MMP26: variants seen among roughly 807,000 people sequenced by gnomAD.
MMP26 encodes matrix metalloproteinase-26.
A neutral mutation model predicts 31.0 loss-of-function variants in MMP26; 33 were observed. The observed-to-expected ratio is 1.06, with a 90% CI of 0.81 to 1.42. The LOEUF (loss-of-function observed/expected upper bound fraction) is 1.42. MMP26 is among the 40% of genes most tolerant of loss of function. The pLI, the probability that MMP26 is intolerant of heterozygous loss-of-function variation, is 0.00. For synonymous variants in MMP26, 122 were observed against 114.9 expected, an observed-to-expected ratio of 1.06 and a Z score of -0.40; for missense variants, 347 against 316.1, an observed-to-expected ratio of 1.10 and a Z score of -0.74.
chr11:4,864,734 A>C (rs1019573636), intron 2 of MMP26, among the ~76,000 whole-genome samples: 15 of 152,090 alleles, frequency 9.9e-5, no homozygotes, highest in Admixed American at 2.0e-4. Context: ...CCTGAGTGTT[A>C]AACTGGTGAC....
chr11:4,837,910 A>G (rs1849740308), intron 2 of MMP26, among the ~76,000 whole-genome samples: 1 of 152,034 alleles, frequency 6.6e-6, no homozygotes, highest in Non-Finnish European at 1.5e-5. Context: ...AATTTTACAT[A>G]AAGTAAAATT....
chr11:4,874,545 A>G (rs1411309250), intron 2 of MMP26, among the ~76,000 whole-genome samples: 1 of 146,330 alleles, frequency 6.8e-6, no homozygotes, highest in Non-Finnish European at 1.5e-5. Context: ...CTTTGCTTGT[A>G]TATGTGTGTG....
At chr11:4,827,733 GA>G (rs995221747) in intron 2 of MMP26, among the ~76,000 whole-genome samples, 11 of 150,776 alleles carry the variant, frequency 7.3e-5, no homozygotes, top group African/African-American at 2.4e-4. Flanking sequence ...TCAAATCAGA[GA>G]AAAAAATAGA....
chr11:4,721,420 T>C (rs1485464693), intron 1 of MMP26, among the ~76,000 whole-genome samples: 1 of 152,224 alleles, frequency 6.6e-6, no homozygotes, highest in East Asian at 1.9e-4. Flanking sequence ...ACCAAATATC[T>C]ACTTCTCCTA....
At chr11:4,726,048 C>T (rs1482586505) in intron 1 of MMP26, among the ~76,000 whole-genome samples, 1 of 152,148 alleles carries the variant, frequency 6.6e-6, no homozygotes. Context: ...TTCACCAGAC[C>T]AAAAGAACCT....
chr11:4,989,174 G>A (rs945168618), intron 3 of MMP26, among the ~76,000 whole-genome samples: 11 of 152,174 alleles, frequency 7.2e-5, no homozygotes, highest in Non-Finnish European at 1.5e-4. Context: ...CAAGGAATAG[G>A]TAAACAACGG....
At chr11:4,980,052 C>T (rs1475010248) in intron 2 of MMP26, among the ~76,000 whole-genome samples, 13 of 152,012 alleles carry the variant, frequency 8.6e-5, no homozygotes, top group Admixed American at 5.3e-4. Context: ...AAGTATAATA[C>T]AGGACTGATA....
intron 1 of MMP26, chr11:4,710,125 C>T (rs1036159570): frequency 6.6e-5 from 30 of 456,682 alleles, no homozygotes; most frequent in Admixed American, 3.5e-4. Context: ...CACCCTGATG[C>T]GATGAAGCTC....
chr11:4,724,048 C>T, intron 1 of MMP26: 1 of 663,412 alleles, frequency 1.5e-6, no homozygotes, highest in Middle Eastern at 3.3e-4. Context: ...GCTGCTGGTA[C>T]CACTGGGGAA....
intron 2 of MMP26, among the ~76,000 whole-genome samples, chr11:4,823,824 C>A (rs1175624087): frequency 1.3e-5 from 2 of 152,074 alleles, no homozygotes; most frequent in East Asian, 3.9e-4. Flanking sequence ...TGAAGAATAA[C>A]CACAAGTAAA....
At chr11:4,756,242 A>G (rs1589891615) in intron 1 of MMP26, among the ~76,000 whole-genome samples, 2 of 152,260 alleles carry the variant, frequency 1.3e-5, no homozygotes, top group East Asian at 1.9e-4. Context: ...AAATTCTCTC[A>G]TAATGCATAG....
chr11:4,962,508 C>A (rs966388355), intron 2 of MMP26, among the ~76,000 whole-genome samples: 20 of 152,160 alleles, frequency 1.3e-4, no homozygotes, highest in Non-Finnish European at 2.5e-4. Flanking sequence ...GTCACTGTTG[C>A]TTTCTCACAG....
rs200567148 is a variant in MMP26 at position 4,710,473 on chromosome 11, G to C, written c.-217+5428G>C. 789 of 444,594 alleles carry C rather than the reference G, an allele frequency of 1.8e-3. 10 individuals carry two copies. Among genetic ancestry groups the C allele is most frequent in the South Asian group, 9.4e-3 (598 of 63,588 alleles). The allele number at this position is 444,594 out of a possible 1,614,324, so 27.5% of individuals were successfully genotyped here. A position where few individuals can be genotyped will look rare whatever the true frequency, so the allele number is the denominator to read the frequency against. Reference sequence around the variant, plus strand: ...TACAGTGTAAAGACCAAGTAAATTCGCAAGGCTGTGCTCAAAGCATTTCTT... The same window carrying C: ...TACAGTGTAAAGACCAAGTAAATTCCCAAGGCTGTGCTCAAAGCATTTCTT... On this transcript the variant is annotated intron_variant, in intron 1 of 7. Coordinates refer to ENST00000380390, the MANE Select transcript of MMP26 (RefSeq NM_021801.5).
In MMP26 at chr11:4,915,524, T is replaced by C. The variant is rs763403659; in HGVS notation, c.-144-72544T>C. ...TTTAATGATAAAAAGAATTGTGCAG[T>C]TGCCCGGGATGGAAACCAGATACAT... On this transcript the variant is annotated intron_variant, in intron 2 of 7. Coordinates refer to ENST00000380390, the MANE Select transcript of MMP26 (RefSeq NM_021801.5). 5.6e-6 allele frequency: 9 copies of C among 1,613,960 alleles called. No homozygotes were observed. The African/African-American group carries it at 1.1e-4, about 19-fold the overall frequency.
At chr11:4,764,741 C>T (rs868285996) in intron 1 of MMP26, among the ~76,000 whole-genome samples, 7 of 152,074 alleles carry the variant, frequency 4.6e-5, no homozygotes, top group Admixed American at 1.3e-4. Flanking sequence ...GGCGCGGTGG[C>T]GGGCGCCTGT....
chr11:4,848,760 C>T (rs753309591), intron 2 of MMP26: 3 of 1,613,706 alleles, frequency 1.9e-6, no homozygotes, highest in Non-Finnish European at 2.5e-6. Context: ...GCTGATTTTG[C>T]TAATTACACC....
At chr11:4,959,295 A>T (rs1207245344) in intron 2 of MMP26, among the ~76,000 whole-genome samples, 2 of 151,032 alleles carry the variant, frequency 1.3e-5, no homozygotes, top group South Asian at 2.1e-4. Flanking sequence ...TTTCTATTAC[A>T]TTGCAATTTG....
intron 2 of MMP26, among the ~76,000 whole-genome samples, chr11:4,802,411 G>A (rs1229944368): frequency 6.6e-6 from 1 of 152,082 alleles, no homozygotes; most frequent in Non-Finnish European, 1.5e-5. Context: ...TTTGCTATCT[G>A]TATAACAAAT....
chr11:4,832,256 C>T lies in MMP26; in HGVS notation c.-145+64915C>T, dbSNP rs114045541. On this transcript the variant is annotated intron_variant, in intron 2 of 7. Transcript: ENST00000380390. ...CTGCCTTATGTACCTCATGGCCATC[C>T]TGGGCAACTGCACCATCCTATTTGT... 544 of 182,712 alleles carry T rather than the reference C, an allele frequency of 3.0e-3. 4 individuals are homozygous for T. The highest frequency in any genetic ancestry group is 0.01 in the African/African-American group (426 of 42,386). 11.3% of individuals were successfully genotyped at this position (182,712 alleles called of 1,614,324 possible). A position where few individuals can be genotyped will look rare whatever the true frequency, so the allele number is the denominator to read the frequency against.
Sources: gnomAD v4.1 joint callset for allele counts (sites outside exome capture counted in the v4.1 genomes callset) on GRCh38, gnomAD v4.1.1 for gene constraint, MANE v1.5 for transcripts, NCBI Gene and HGNC (gene_info 2026-07-23, HGNC 2026-07-21) for gene names.